The following TMEM74 variants were observed in gnomAD, a reference collection of about 807,000 sequenced individuals.
TMEM74 encodes transmembrane protein 74.
A neutral mutation model predicts 18.1 loss-of-function variants in TMEM74; 13 were observed. The ratio of observed to expected loss-of-function variants is 0.72; its 90% confidence interval spans 0.47 to 1.14. The LOEUF (loss-of-function observed/expected upper bound fraction) is 1.14, where lower values mean the gene tolerates loss of function less well. Ranked by LOEUF, TMEM74 falls within the 50% of genes most tolerant of loss-of-function variation. TMEM74 has a pLI of 0.00. For synonymous variants in TMEM74, 159 were observed against 146.6 expected (o/e 1.08, Z -0.61); for missense variants, 372 against 375.9 (o/e 0.99, Z 0.09).
downstream of TMEM74, among the ~76,000 whole-genome samples, chr8:108,778,081 TTGATCAAG>T (rs1814252721): frequency 6.6e-6 from 1 of 152,198 alleles, no homozygotes; most frequent in Non-Finnish European, 1.5e-5. Flanking sequence ...TAATATTAAA[TTGATCAAG>T]TGATCATTAG....
intron 1 of TMEM74, among the ~76,000 whole-genome samples, chr8:108,671,783 A>G (rs1242011248): frequency 6.6e-6 from 1 of 152,148 alleles, no homozygotes; most frequent in Non-Finnish European, 1.5e-5. Flanking sequence ...AAAGTAAGAG[A>G]GAAATATATT....
chr8:108,784,037 G>C lies in TMEM74; in HGVS notation c.*144C>G. Reference sequence around the variant, plus strand: ...TTTTCTTCTAAATAGAAGACACATAGAGAACAAAAACACTTACTGGCTGTT... The same window carrying C: ...TTTTCTTCTAAATAGAAGACACATACAGAACAAAAACACTTACTGGCTGTT... On this transcript the variant is annotated 3_prime_UTR_variant, in exon 2 of 2. Coordinates refer to ENST00000297459, the MANE Select transcript of TMEM74 (RefSeq NM_153015.3). 1 of 680,430 alleles carries C rather than the reference G, an allele frequency of 1.5e-6. No individual in the cohort carries two copies. The highest frequency in any genetic ancestry group is 2.3e-5 in the South Asian group (1 of 42,930). The allele number at this position is 680,430 out of a possible 1,614,324, so 42.1% of individuals were successfully genotyped here. A position where few individuals can be genotyped will look rare whatever the true frequency, so the allele number is the denominator to read the frequency against.
intron 1 of TMEM74, among the ~76,000 whole-genome samples, chr8:108,679,598 T>G (rs1813091917): frequency 6.6e-6 from 1 of 152,212 alleles, no homozygotes; most frequent in South Asian, 2.1e-4. Flanking sequence ...TGGGGTTGTT[T>G]GTTTTTTCTT....
chr8:108,742,986 T>C (rs758641330), intron 1 of TMEM74, among the ~76,000 whole-genome samples: 2 of 152,212 alleles, frequency 1.3e-5, no homozygotes, highest in Non-Finnish European at 2.9e-5. Flanking sequence ...AAGACGATTT[T>C]TTTGCATTCA....
intron 1 of TMEM74, among the ~76,000 whole-genome samples, chr8:108,666,303 T>C (rs1241686133): frequency 2.0e-5 from 3 of 152,210 alleles, no homozygotes; most frequent in Admixed American, 1.3e-4. Context: ...GCTTAAAAGC[T>C]AATCATTGCT....
chr8:108,713,514 T>C (rs1004743991), intron 1 of TMEM74, among the ~76,000 whole-genome samples: 3 of 152,182 alleles, frequency 2.0e-5, no homozygotes, highest in Non-Finnish European at 4.4e-5. Flanking sequence ...GGTGAACACA[T>C]GATACATGGA....
At chr8:108,642,021 T>A (rs776500610) in intron 2 of TMEM74, among the ~76,000 whole-genome samples, 3 of 152,136 alleles carry the variant, frequency 2.0e-5, no homozygotes, top group East Asian at 3.9e-4. Flanking sequence ...TGATTAGTAA[T>A]CATCATTAGC....
chr8:108,716,917 T>C (rs1297560197), intron 1 of TMEM74, among the ~76,000 whole-genome samples: 4 of 151,926 alleles, frequency 2.6e-5, no homozygotes, highest in African/African-American at 9.7e-5. Context: ...ATTATACATA[T>C]TTCTACCTTG....
chr8:108,786,562 A>G (rs1814387984), intron 1 of TMEM74, among the ~76,000 whole-genome samples: 2 of 152,226 alleles, frequency 1.3e-5, no homozygotes, highest in Non-Finnish European at 2.9e-5. Context: ...ACAAAACAAA[A>G]AAAGCAAAAC....
At chr8:108,700,857 G>A (rs1172473461) in intron 1 of TMEM74, among the ~76,000 whole-genome samples, 1 of 152,132 alleles carries the variant, frequency 6.6e-6, no homozygotes, top group Non-Finnish European at 1.5e-5. Context: ...CTAAACTCCT[G>A]AGCTAATGGG....
intron 1 of TMEM74, among the ~76,000 whole-genome samples, chr8:108,787,200 T>G (rs962192090): frequency 5.9e-5 from 9 of 152,170 alleles, no homozygotes; most frequent in African/African-American, 2.2e-4. Flanking sequence ...AAGGCTGATC[T>G]CGGGGAGGCG....
chr8:108,678,441 T>G (rs917296457), intron 1 of TMEM74, among the ~76,000 whole-genome samples: 11 of 151,966 alleles, frequency 7.2e-5, no homozygotes, highest in Admixed American at 7.2e-4. Flanking sequence ...CTCAGCTCAC[T>G]GCAACCTCTG....
At chr8:108,725,353 CT>C (rs1428029403) in intron 1 of TMEM74, among the ~76,000 whole-genome samples, 2 of 152,314 alleles carry the variant, frequency 1.3e-5, no homozygotes, top group Admixed American at 1.3e-4. Context: ...CCTTGTTCAT[CT>C]CTGTGTCTCA....
At chr8:108,748,502 C>T (rs1366067306) in intron 1 of TMEM74, among the ~76,000 whole-genome samples, 1 of 151,804 alleles carries the variant, frequency 6.6e-6, no homozygotes, top group Non-Finnish European at 1.5e-5. Flanking sequence ...AAAATTTTCT[C>T]ACATTGTGTA....
chr8:108,626,195 A>C lies in TMEM74; in HGVS notation n.265-17369T>G, dbSNP rs181641105. ...TCTACATTATTTACATTATTACATT[A>C]TTTCTAATACATTTATTTTCTATAA... On this transcript the variant is annotated intron_variant and non_coding_transcript_variant, in intron 2 of 3. Transcript: ENST00000518838. Among the ~76,000 whole-genome samples, 394 of 152,132 alleles carry C rather than the reference A, an allele frequency of 2.6e-3. 1 individual carries two copies. The highest frequency in any genetic ancestry group is 0.025 in the South Asian group (120 of 4,818).
chr8:108,765,792 A>T (rs1367469162), intron 1 of TMEM74, among the ~76,000 whole-genome samples: 1 of 152,142 alleles, frequency 6.6e-6, no homozygotes, highest in Admixed American at 6.5e-5. Context: ...AAACAGATTG[A>T]CTGTACATAT....
intron 2 of TMEM74, among the ~76,000 whole-genome samples, chr8:108,609,041 T>G (rs757722075): frequency 2.2e-4 from 33 of 152,180 alleles, no homozygotes; most frequent in Non-Finnish European, 4.1e-4. Flanking sequence ...CCATATTCAC[T>G]GTAAAAACCT....
intron 1 of TMEM74, among the ~76,000 whole-genome samples, chr8:108,768,647 A>G (rs1322695273): frequency 6.6e-6 from 1 of 151,802 alleles, no homozygotes; most frequent in African/African-American, 2.4e-5. Flanking sequence ...TTCAATTCCC[A>G]CCTTCCTCTG....
chr8:108,688,142 G>A (rs989249073), intron 1 of TMEM74, among the ~76,000 whole-genome samples: 34 of 152,164 alleles, frequency 2.2e-4, no homozygotes, highest in African/African-American at 8.0e-4. Flanking sequence ...TAAAGAGATC[G>A]ATAATGGCCA....
Sources: gnomAD v4.1 joint callset for allele counts (sites outside exome capture counted in the v4.1 genomes callset) on GRCh38, gnomAD v4.1.1 for gene constraint, MANE v1.5 for transcripts, NCBI Gene and HGNC (gene_info 2026-07-23, HGNC 2026-07-21) for gene names.